The following G3BP2 variants were observed in gnomAD, a reference collection of about 807,000 sequenced individuals.
The protein encoded by G3BP2 is G3BP stress granule assembly factor 2.
Under a neutral mutation model 56.7 loss-of-function variants are expected in G3BP2, and 11 were observed. The observed-to-expected ratio is 0.19, with a 90% CI of 0.12 to 0.32. The LOEUF (loss-of-function observed/expected upper bound fraction) is 0.32. G3BP2 is among the 10% of genes least tolerant of loss of function. The pLI, the probability that G3BP2 is intolerant of heterozygous loss-of-function variation, is 1.00. For synonymous variants in G3BP2, 165 were observed against 191.6 expected (o/e 0.86, Z 1.15); for missense variants, 340 against 610.9 (o/e 0.56, Z 4.67).
At chr4:75,714,496 C>T (rs747628479) in intron 3 of G3BP2, among the ~76,000 whole-genome samples, 41 of 152,126 alleles carry the variant, frequency 2.7e-4, no homozygotes, top group Non-Finnish European at 4.9e-4. Flanking sequence ...GGCGTGGTGG[C>T]GAGTGCCTGT....
chr4:75,689,128 A>G (rs982276908), intron 3 of G3BP2, among the ~76,000 whole-genome samples: 3 of 152,334 alleles, frequency 2.0e-5, no homozygotes, highest in African/African-American at 7.2e-5. Flanking sequence ...CACTCCTGTA[A>G]TCCCAGCACT....
chr4:75,643,315 A>ATATATG lies in G3BP2; in HGVS notation c.*2114_*2115insCATATA, dbSNP rs1166357883. 2.2e-5 allele frequency: 3 copies of ATATATG among 135,606 alleles called. No individual in the cohort carries two copies. The highest frequency in any genetic ancestry group is 4.8e-5 in the Non-Finnish European group (3 of 61,910). 8.4% of individuals were successfully genotyped at this position (135,606 alleles called of 1,614,324 possible). ...GGAAATTATATATATATATATATATATGGAAACAGAAATACAAGAAAATAT... is the reference window on the plus strand; with the variant it reads ...GGAAATTATATATATATATATATATATATATGTGGAAACAGAAATACAAGAAAATAT... On this transcript the variant is annotated 3_prime_UTR_variant, in exon 12 of 12. Coordinates refer to ENST00000359707, the MANE Select transcript of G3BP2 (RefSeq NM_203505.3).
At chr4:75,720,844 A>AAAT (rs1720142794) in intron 3 of G3BP2, among the ~76,000 whole-genome samples, 3 of 112,282 alleles carry the variant, frequency 2.7e-5, no homozygotes, top group South Asian at 6.4e-4. Context: ...AATAAATAAA[A>AAAT]ATATTTTGAA....
At chr4:75,664,056 G>C (rs1732789409) in intron 1 of G3BP2, among the ~76,000 whole-genome samples, 1 of 150,334 alleles carries the variant, frequency 6.7e-6, no homozygotes, top group Non-Finnish European at 1.5e-5. Context: ...GCTAATTTTT[G>C]TATTATTAGT....
At chr4:75,696,440 A>G (rs1051526660) in intron 3 of G3BP2, among the ~76,000 whole-genome samples, 7 of 152,180 alleles carry the variant, frequency 4.6e-5, no homozygotes, top group Non-Finnish European at 1.0e-4. Flanking sequence ...TTCAAAGTGG[A>G]AGCCAGCGGC....
At position 75,645,848 on chromosome 4, in the gene G3BP2, C is replaced by T. The variant is rs190563774; in HGVS notation, c.1177-146G>A. 535 of 704,490 alleles carry T rather than the reference C, an allele frequency of 7.6e-4. 1 individual carries two copies. Among genetic ancestry groups the T allele is most frequent in the Non-Finnish European group, 6.4e-4 (274 of 427,892 alleles). The allele number at this position is 704,490 out of a possible 1,614,324, so 43.6% of individuals were successfully genotyped here. ...CCCAGAGATAGGGTCTCAGCTGTCACCCAGGCTGGTGACAGCCAGTGGCAC... is the reference window on the plus strand; with the variant it reads ...CCCAGAGATAGGGTCTCAGCTGTCATCCAGGCTGGTGACAGCCAGTGGCAC... On this transcript the variant is annotated intron_variant, in intron 11 of 11. Coordinates refer to ENST00000359707, the MANE Select transcript of G3BP2 (RefSeq NM_203505.3).
At chr4:75,659,206 A>G (rs1204996185) in intron 2 of G3BP2, among the ~76,000 whole-genome samples, 3 of 152,226 alleles carry the variant, frequency 2.0e-5, no homozygotes, top group Non-Finnish European at 2.9e-5. Context: ...ATTCACATCT[A>G]TTTTTTGTTA....
Position 75,673,235 on chromosome 4 carries a change from T to G in G3BP2, c.-52A>C, listed in dbSNP as rs186648254. On this transcript the variant is annotated 5_prime_UTR_variant, in exon 1 of 12. Transcript: ENST00000359707. Reference sequence around the variant, plus strand: ...CCAGCCAACGGCGGCGGCGGGTACGTCGCGCGGAGGTCAGAAGAGTCGCTG... The same window carrying G: ...CCAGCCAACGGCGGCGGCGGGTACGGCGCGCGGAGGTCAGAAGAGTCGCTG... 4.6e-4 allele frequency: 559 copies of G among 1,216,872 alleles called. 3 individuals are homozygous for G. The African/African-American group carries it at 7.8e-3, about 17-fold the overall frequency. The allele number at this position is 1,216,872 out of a possible 1,614,324, so 75.4% of individuals were successfully genotyped here. A position where few individuals can be genotyped will look rare whatever the true frequency, so the allele number is the denominator to read the frequency against.
At chr4:75,680,444 C>G (rs756602805) in intron 3 of G3BP2, among the ~76,000 whole-genome samples, 61 of 152,178 alleles carry the variant, frequency 4.0e-4, no homozygotes, top group Middle Eastern at 3.2e-3. Context: ...AGTGGATAAA[C>G]AGCCTACTTA....
At chr4:75,691,806 C>T (rs1482595163) in intron 3 of G3BP2, among the ~76,000 whole-genome samples, 2 of 152,032 alleles carry the variant, frequency 1.3e-5, no homozygotes, top group Non-Finnish European at 2.9e-5. Flanking sequence ...TAAAGCTCTC[C>T]GGGAACCAAA....
At chr4:75,711,876 G>A (rs939394111) in intron 3 of G3BP2, among the ~76,000 whole-genome samples, 1 of 152,056 alleles carries the variant, frequency 6.6e-6, no homozygotes, top group African/African-American at 2.4e-5. Flanking sequence ...TTTTGTTGGG[G>A]TTCCAGATGA....
chr4:75,699,466 TCA>T (rs1305978774), intron 3 of G3BP2, among the ~76,000 whole-genome samples: 1 of 152,202 alleles, frequency 6.6e-6, no homozygotes, highest in African/African-American at 2.4e-5. Flanking sequence ...TTATTCAAAA[TCA>T]CACTCAGCCT....
chr4:75,676,090 G>A (rs1017601663), upstream of G3BP2, among the ~76,000 whole-genome samples: 5 of 152,022 alleles, frequency 3.3e-5, no homozygotes, highest in Non-Finnish European at 7.4e-5. Context: ...TCTAACTGGC[G>A]ATTTTTACCT....
chr4:75,665,040 A>G (rs1157675683), intron 1 of G3BP2, among the ~76,000 whole-genome samples: 4 of 152,220 alleles, frequency 2.6e-5, no homozygotes, highest in Non-Finnish European at 1.5e-5. Context: ...TTTACTTTAA[A>G]TAACTAAAAC....
upstream of G3BP2, chr4:75,673,677 G>A: frequency 8.4e-7 from 1 of 1,195,434 alleles, no homozygotes; most frequent in Non-Finnish European, 1.0e-6. Flanking sequence ...CCGGTCCCGA[G>A]GCTCCAGCCT....
intron 9 of G3BP2, 94 bp from the exon 10 acceptor site, chr4:75,647,251 C>A: frequency 3.6e-6 from 3 of 822,560 alleles, no homozygotes; most frequent in Non-Finnish European, 3.7e-6. Context: ...ATTGATATTC[C>A]TGTTTTAGTT....
chr4:75,659,565 A>G (rs1349134270), intron 2 of G3BP2, among the ~76,000 whole-genome samples: 1 of 152,208 alleles, frequency 6.6e-6, no homozygotes, highest in East Asian at 1.9e-4. Context: ...ATTAAGCTCA[A>G]AGATGTGAAG....
At chr4:75,701,956 C>T (rs1337578666) in intron 3 of G3BP2, among the ~76,000 whole-genome samples, 1 of 152,050 alleles carries the variant, frequency 6.6e-6, no homozygotes, top group Non-Finnish European at 1.5e-5. Flanking sequence ...CAGAGTCTCC[C>T]AGTATAATTC....
chr4:75,711,176 G>T (rs1719741111), intron 3 of G3BP2, among the ~76,000 whole-genome samples: 1 of 151,394 alleles, frequency 6.6e-6, no homozygotes, highest in Non-Finnish European at 1.5e-5. Context: ...AAAATTAGCT[G>T]GGCATGATGG....
Sources: allele counts gnomAD v4.1 joint callset (sites outside exome capture counted in the v4.1 genomes callset), GRCh38; gene constraint gnomAD v4.1.1; transcripts MANE v1.5; gene names NCBI Gene and HGNC (gene_info 2026-07-23, HGNC 2026-07-21).